EPHA6: variants seen among roughly 807,000 people sequenced by gnomAD.
The protein encoded by EPHA6 is EPH receptor A6.
EPHA6 carries 50 observed loss-of-function variants against 112.0 expected under a neutral mutation model. That is an observed-to-expected ratio of 0.45 (90% confidence interval 0.36 to 0.56). The LOEUF (loss-of-function observed/expected upper bound fraction) is 0.56, where lower values mean the gene tolerates loss of function less well. Among genes scored for constraint, EPHA6 ranks in the 20% least tolerant of loss-of-function variants. The pLI, the probability that EPHA6 is intolerant of heterozygous loss-of-function variation, is 0.00. For synonymous variants in EPHA6, 529 were observed against 490.7 expected, an observed-to-expected ratio of 1.08 and a Z score of -1.03; for missense variants, 1,280 against 1,417.4, an observed-to-expected ratio of 0.90 and a Z score of 1.56.
intron 3 of EPHA6, among the ~76,000 whole-genome samples, chr3:97,168,813 T>TA (rs1380310701): frequency 6.6e-6 from 1 of 152,022 alleles, no homozygotes; most frequent in Non-Finnish European, 1.5e-5. Context: ...AATGGGCTGA[T>TA]ATGGAAAATT....
At chr3:97,515,797 TGC>T (rs1213818337) in intron 10 of EPHA6, among the ~76,000 whole-genome samples, 1 of 152,156 alleles carries the variant, frequency 6.6e-6, no homozygotes, top group Non-Finnish European at 1.5e-5. Flanking sequence ...TTTAGAGGCA[TGC>T]TTTAGTGGAA....
intron 2 of EPHA6, among the ~76,000 whole-genome samples, chr3:96,982,192 A>G (rs2042824150): frequency 6.6e-6 from 1 of 152,112 alleles, no homozygotes; most frequent in South Asian, 2.1e-4. Flanking sequence ...GTGGGTATTT[A>G]GTGCTATAAA....
At chr3:97,454,104 AT>A (rs1331902897) in intron 7 of EPHA6, among the ~76,000 whole-genome samples, 2 of 151,814 alleles carry the variant, frequency 1.3e-5, no homozygotes, top group African/African-American at 2.4e-5. Flanking sequence ...AGATTCTTCT[AT>A]GACTTCCAAC....
chr3:97,244,295 C>G lies in EPHA6; in HGVS notation c.1606+8C>G. 1 of 1,610,788 alleles carries G rather than the reference C, an allele frequency of 6.2e-7. No individual in the cohort carries two copies. The highest frequency in any genetic ancestry group is 8.5e-7 in the Non-Finnish European group (1 of 1,177,494). On this transcript the variant is annotated splice_region_variant and intron_variant, in intron 5 of 17. Transcript: ENST00000389672. ...TGACCACGGATCAAGATGGTAAGTT[C>G]CACTGCTGTTCTCTCAAAACAGACC...
intron 2 of EPHA6, among the ~76,000 whole-genome samples, chr3:96,895,706 A>C (rs1269272667): frequency 3.9e-5 from 6 of 152,104 alleles, no homozygotes; most frequent in Admixed American, 3.9e-4. Flanking sequence ...AAAAATATTT[A>C]CTGTTGTGTT....
chr3:97,359,374 G>C (rs574939930), intron 5 of EPHA6, among the ~76,000 whole-genome samples: 8 of 149,020 alleles, frequency 5.4e-5, no homozygotes, highest in South Asian at 2.1e-4. Context: ...TGTATTTTTA[G>C]CTCCAGAATT....
chr3:97,161,251 C>A (rs2108399704), intron 3 of EPHA6, among the ~76,000 whole-genome samples: 1 of 152,230 alleles, frequency 6.6e-6, no homozygotes, highest in South Asian at 2.1e-4. Flanking sequence ...AAAGCTGTTT[C>A]TCAAAGGGGA....
intron 3 of EPHA6, among the ~76,000 whole-genome samples, chr3:96,993,357 C>T (rs985851519): frequency 2.7e-5 from 4 of 150,872 alleles, no homozygotes; most frequent in Non-Finnish European, 4.4e-5. Flanking sequence ...AGTACAGTGG[C>T]GCGATCTTGC....
At chr3:97,287,315 C>CGG (rs2080503645) in intron 5 of EPHA6, among the ~76,000 whole-genome samples, 1 of 152,010 alleles carries the variant, frequency 6.6e-6, no homozygotes, top group Admixed American at 6.6e-5. Flanking sequence ...CTTAGCTTCT[C>CGG]TGAGTTCAGT....
chr3:97,395,022 T>C (rs2109079372), intron 5 of EPHA6, among the ~76,000 whole-genome samples: 1 of 151,824 alleles, frequency 6.6e-6, no homozygotes, highest in African/African-American at 2.4e-5. Context: ...TAAAAGAACA[T>C]TCACAGATTC....
chr3:97,117,117 G>T (rs2047911378), intron 3 of EPHA6, among the ~76,000 whole-genome samples: 1 of 151,486 alleles, frequency 6.6e-6, no homozygotes. Flanking sequence ...TTGGCCATTT[G>T]TATGTCTTCT....
In EPHA6 at chr3:97,605,071, T is replaced by A. The variant is rs77841807; in HGVS notation, c.2513-5722T>A. Among the ~76,000 whole-genome samples the A allele has an allele frequency of 4.5e-3, 687 of 151,640 alleles. 5 individuals are homozygous for A. The highest frequency in any genetic ancestry group is 0.014 in the Middle Eastern group (4 of 294). On this transcript the variant is annotated intron_variant, in intron 12 of 17. Transcript: ENST00000389672. The stretch of plus-strand genomic sequence containing the variant: ...GTTAACATTAATACTGTACCGTAAG[T>A]GTTCTAAAATTGATTGAGATATAAA...
chr3:96,818,584 C>A (rs1265549194), intron 1 of EPHA6, among the ~76,000 whole-genome samples: 1 of 151,782 alleles, frequency 6.6e-6, no homozygotes, highest in African/African-American at 2.4e-5. Flanking sequence ...ATAAATATAT[C>A]TAAGCAGAAA....
intron 3 of EPHA6, among the ~76,000 whole-genome samples, chr3:97,001,628 A>T (rs996422952): frequency 6.6e-6 from 1 of 151,940 alleles, no homozygotes; most frequent in African/African-American, 2.4e-5. Flanking sequence ...ACTACAAACT[A>T]TTTTTTTAGA....
intron 14 of EPHA6, among the ~76,000 whole-genome samples, chr3:97,642,194 C>A (rs547121526): frequency 9.7e-6 from 1 of 102,652 alleles, no homozygotes; most frequent in African/African-American, 3.8e-5. Context: ...ACACCTCACA[C>A]GGCAGGGTAT....
At chr3:96,943,010 A>C (rs1247170480) in intron 2 of EPHA6, among the ~76,000 whole-genome samples, 1 of 151,972 alleles carries the variant, frequency 6.6e-6, no homozygotes, top group South Asian at 2.1e-4. Flanking sequence ...ATTATCCACC[A>C]CCAGCCTCTG....
rs113150950 is a variant in EPHA6 at position 97,693,590 on chromosome 3, G to A, written c.2785-26671G>A. On this transcript the variant is annotated intron_variant, in intron 14 of 17. Transcript: ENST00000389672. ...TGGGAGGCCGAGGCAGGCAGATCAC[G>A]AGGTTGGGAGATCGAGACCATCCTG... is the stretch of plus-strand genomic sequence containing the variant. Among the ~76,000 whole-genome samples the A allele has an allele frequency of 3.4e-3, 519 of 152,216 alleles. 4 individuals are homozygous for A. The highest frequency in any genetic ancestry group is 0.012 in the African/African-American group (486 of 41,550).
intron 1 of EPHA6, among the ~76,000 whole-genome samples, chr3:96,853,943 G>A (rs2035540954): frequency 6.6e-6 from 1 of 151,738 alleles, no homozygotes; most frequent in Non-Finnish European, 1.5e-5. Flanking sequence ...TCAGTATTTT[G>A]CAACTACTTA....
chr3:96,829,967 A>ACG (rs2033941899), intron 1 of EPHA6, among the ~76,000 whole-genome samples: 1 of 151,570 alleles, frequency 6.6e-6, no homozygotes, highest in East Asian at 1.9e-4. Flanking sequence ...ACACACACAC[A>ACG]CACACACACA....
Sources: allele counts gnomAD v4.1 joint callset (sites outside exome capture counted in the v4.1 genomes callset), GRCh38; gene constraint gnomAD v4.1.1; transcripts MANE v1.5; gene names NCBI Gene and HGNC (gene_info 2026-07-23, HGNC 2026-07-21).